Variants in RAB2A observed in about 807,000 individuals in gnomAD.
RAB2A encodes the protein ras-related protein Rab-2A.
A neutral mutation model predicts 32.5 loss-of-function variants in RAB2A; 7 were observed. That is an observed-to-expected ratio of 0.22 (90% CI 0.12 to 0.40). The LOEUF (loss-of-function observed/expected upper bound fraction) is 0.40, where lower values mean the gene tolerates loss of function less well. Ranked by LOEUF, RAB2A falls within the 10% of genes least tolerant of loss-of-function variation. The probability of loss-of-function intolerance (pLI) is 1.00; values close to 1 mark genes in which losing one functional copy is unlikely to be tolerated. For synonymous variants in RAB2A, 79 were observed against 85.2 expected (o/e 0.93, Z 0.40); for missense variants, 108 against 260.7 (o/e 0.41, Z 4.03).
At chr8:60,616,859 G>GT (rs1255928516) in intron 6 of RAB2A, among the ~76,000 whole-genome samples, 2 of 152,216 alleles carry the variant, frequency 1.3e-5, no homozygotes, top group Non-Finnish European at 2.9e-5. Flanking sequence ...CTGGGGAGCT[G>GT]TAAGGCCTTT....
intron 2 of RAB2A, among the ~76,000 whole-genome samples, chr8:60,561,585 C>A (rs1239534205): frequency 6.6e-6 from 1 of 152,048 alleles, no homozygotes; most frequent in Non-Finnish European, 1.5e-5. Flanking sequence ...TTTGATTTTC[C>A]TGTCTCCATG....
intron 2 of RAB2A, among the ~76,000 whole-genome samples, chr8:60,561,316 T>C (rs1808022115): frequency 6.6e-6 from 1 of 152,256 alleles, no homozygotes; most frequent in African/African-American, 2.4e-5. Flanking sequence ...TTTTTTTCTT[T>C]CTAACTTTTA....
intron 1 of RAB2A, among the ~76,000 whole-genome samples, chr8:60,537,665 ATTTATAACTGT>A (rs1807578511): frequency 6.6e-6 from 1 of 152,138 alleles, no homozygotes; most frequent in African/African-American, 2.4e-5. Flanking sequence ...TCTAAGAGGT[ATTTATAACTGT>A]TTTCTTTTTT....
At chr8:60,557,863 G>C (rs1485357411) in intron 1 of RAB2A, among the ~76,000 whole-genome samples, 3 of 152,104 alleles carry the variant, frequency 2.0e-5, no homozygotes, top group Non-Finnish European at 4.4e-5. Flanking sequence ...ACAGCACCAA[G>C]TTTGTTACCC....
intron 1 of RAB2A, among the ~76,000 whole-genome samples, chr8:60,533,296 C>CT (rs1231529484): frequency 2.6e-5 from 4 of 152,198 alleles, no homozygotes; most frequent in Non-Finnish European, 5.9e-5. Flanking sequence ...TTCTGAAACT[C>CT]TTGTTTTAAA....
At chr8:60,595,581 A>G (rs1804008680) in intron 6 of RAB2A, among the ~76,000 whole-genome samples, 1 of 152,218 alleles carries the variant, frequency 6.6e-6, no homozygotes, top group Admixed American at 6.5e-5. Context: ...TCAAAGGAAA[A>G]CAGGAGTAGC....
chr8:60,595,758 A>C (rs1020666969), intron 6 of RAB2A, among the ~76,000 whole-genome samples: 1 of 152,202 alleles, frequency 6.6e-6, no homozygotes, highest in African/African-American at 2.4e-5. Flanking sequence ...AGAGAAATTC[A>C]CAATTACGGT....
Position 60,569,360 on chromosome 8 carries a change from A to G in RAB2A, c.119-2686A>G, listed in dbSNP as rs115840858. 1.3e-3 allele frequency among the ~76,000 whole-genome samples: 194 copies of G among 152,266 alleles called. 1 individual carries two copies. The highest frequency in any genetic ancestry group is 4.3e-3 in the African/African-American group (180 of 41,550). On this transcript the variant is annotated intron_variant, in intron 2 of 7. Coordinates refer to ENST00000262646, the MANE Select transcript of RAB2A (RefSeq NM_002865.3). ...GACCTGGTTGATAAGTGAAGTTAAG[A>G]TGTCTATTGTATTATGACATATTCC...
At chr8:60,607,919 C>T (rs887214032) in intron 6 of RAB2A, among the ~76,000 whole-genome samples, 5 of 152,138 alleles carry the variant, frequency 3.3e-5, no homozygotes, top group Non-Finnish European at 7.4e-5. Context: ...AAGTTTCAAC[C>T]ATCTTATAAA....
chr8:60,523,001 C>CA (rs1201668757), intron 1 of RAB2A, among the ~76,000 whole-genome samples: 6 of 151,984 alleles, frequency 3.9e-5, no homozygotes, highest in Admixed American at 3.9e-4. Context: ...GAATTACCTT[C>CA]AAAAAACAAC....
At chr8:60,616,589 T>G (rs1380462098) in intron 6 of RAB2A, among the ~76,000 whole-genome samples, 1 of 152,398 alleles carries the variant, frequency 6.6e-6, no homozygotes, top group Non-Finnish European at 1.5e-5. Context: ...CATACTTGGC[T>G]GAAAGCCAGT....
At chr8:60,600,540 G>T (rs1337537766) in intron 6 of RAB2A, among the ~76,000 whole-genome samples, 1 of 152,168 alleles carries the variant, frequency 6.6e-6, no homozygotes, top group African/African-American at 2.4e-5. Flanking sequence ...CATCCTAGCT[G>T]TTGCACCCCT....
intron 1 of RAB2A, chr8:60,558,529 A>G (rs1462831794): frequency 4.1e-6 from 2 of 491,934 alleles, no homozygotes; most frequent in Non-Finnish European, 8.0e-6. Context: ...CACAAAAAAC[A>G]AAAGTGCACA....
At position 60,622,018 on chromosome 8, in the gene RAB2A, A is replaced by G. The variant is rs1804536606; in HGVS notation, c.*1249A>G. The G allele has an allele frequency of 6.6e-6, 1 of 151,946 alleles. No individual in the cohort carries two copies. 9.4% of individuals were successfully genotyped at this position (151,946 alleles called of 1,614,324 possible). ...TATAAAAGTGTTCTTTTTTTTTATT[A>G]TGACCACCTCTTTTTTAATGTATTT... On this transcript the variant is annotated 3_prime_UTR_variant, in exon 8 of 8. Coordinates refer to ENST00000262646, the MANE Select transcript of RAB2A (RefSeq NM_002865.3).
At chr8:60,547,888 C>T (rs1214648639) in intron 1 of RAB2A, among the ~76,000 whole-genome samples, 1 of 126,300 alleles carries the variant, frequency 7.9e-6, no homozygotes, top group Non-Finnish European at 1.7e-5. Flanking sequence ...GGCTGACCCC[C>T]CTACCTCCCT....
intron 1 of RAB2A, chr8:60,552,002 T>TTTTTTTC (rs1563467406): frequency 1.0e-5 from 1 of 100,282 alleles, no homozygotes; most frequent in African/African-American, 5.9e-5. Flanking sequence ...TAGCTGGGAG[T>TTTTTTTC]TTTTTTTTTT....
At chr8:60,610,659 C>G (rs1804326875) in intron 6 of RAB2A, among the ~76,000 whole-genome samples, 1 of 152,222 alleles carries the variant, frequency 6.6e-6, no homozygotes, top group South Asian at 2.1e-4. Flanking sequence ...TGACTAGCAT[C>G]AGCTTCTTCA....
chr8:60,596,174 A>G (rs1563481863), intron 6 of RAB2A, among the ~76,000 whole-genome samples: 3 of 152,258 alleles, frequency 2.0e-5, no homozygotes, highest in South Asian at 4.1e-4. Flanking sequence ...TTTAAACATA[A>G]GACCTAAAAC....
chr8:60,544,057 G>A (rs1586071742), intron 1 of RAB2A, among the ~76,000 whole-genome samples: 1 of 81,854 alleles, frequency 1.2e-5, no homozygotes. Context: ...GTGAGACTCC[G>A]TCTCAAAAAA....
Sources: allele counts gnomAD v4.1 joint callset (sites outside exome capture counted in the v4.1 genomes callset), GRCh38; gene constraint gnomAD v4.1.1; transcripts MANE v1.5; gene names NCBI Gene and HGNC (gene_info 2026-07-23, HGNC 2026-07-21).